The following NLGN1 variants were observed in gnomAD, a reference collection of about 807,000 sequenced individuals.
NLGN1 encodes neuroligin-1.
Under a neutral mutation model 65.5 loss-of-function variants are expected in NLGN1, and 12 were observed. The observed-to-expected ratio is 0.18, with a 90% CI of 0.12 to 0.30. The LOEUF is 0.30. Ranked by LOEUF, NLGN1 falls within the 10% of genes least tolerant of loss-of-function variation. The pLI is 1.00. For synonymous variants in NLGN1, 350 were observed against 359.5 expected (o/e 0.97, Z 0.30); for missense variants, 750 against 1,007.1 (o/e 0.74, Z 3.46).
At chr3:173,734,743 A>AT (rs1015057329) in intron 3 of NLGN1, among the ~76,000 whole-genome samples, 3 of 151,578 alleles carry the variant, frequency 2.0e-5, no homozygotes, top group African/African-American at 7.3e-5. Context: ...AATAAATCAC[A>AT]TTTTTCCCCT....
chr3:174,163,926 T>G (rs918932223), intron 4 of NLGN1, among the ~76,000 whole-genome samples: 8 of 152,050 alleles, frequency 5.3e-5, no homozygotes, highest in African/African-American at 1.4e-4. Context: ...GTAGAATGAT[T>G]TGGGCTTTTA....
chr3:174,013,416 A>T (rs1384536521), intron 4 of NLGN1, among the ~76,000 whole-genome samples: 3 of 152,244 alleles, frequency 2.0e-5, no homozygotes, highest in African/African-American at 7.2e-5. Context: ...GAACAAAGTA[A>T]AACATAAAAT....
intron 4 of NLGN1, among the ~76,000 whole-genome samples, chr3:174,005,749 G>T (rs1171466313): frequency 1.3e-5 from 2 of 151,562 alleles, no homozygotes; most frequent in Admixed American, 6.6e-5. Context: ...TAAAAGAAGA[G>T]CACTTAATAT....
intron 4 of NLGN1, among the ~76,000 whole-genome samples, chr3:174,075,686 T>C (rs1740759793): frequency 6.6e-6 from 1 of 152,000 alleles, no homozygotes; most frequent in African/African-American, 2.4e-5. Flanking sequence ...TAAGGAAAAA[T>C]AAAATTTTAT....
At chr3:173,961,161 G>A (rs1483074125) in intron 4 of NLGN1, among the ~76,000 whole-genome samples, 1 of 151,992 alleles carries the variant, frequency 6.6e-6, no homozygotes, top group East Asian at 1.9e-4. Context: ...GAAACATGAA[G>A]TATAGAATAT....
chr3:173,722,607 A>G (rs1300003040), intron 3 of NLGN1, among the ~76,000 whole-genome samples: 3 of 152,130 alleles, frequency 2.0e-5, no homozygotes, highest in African/African-American at 7.2e-5. Flanking sequence ...ATGAGAAACA[A>G]TAAGGGAAGG....
At chr3:173,633,883 T>C (rs1185113807) in intron 3 of NLGN1, among the ~76,000 whole-genome samples, 1 of 152,172 alleles carries the variant, frequency 6.6e-6, no homozygotes, top group East Asian at 1.9e-4. Context: ...CTGATCCCCA[T>C]AGCTTGTTAA....
At chr3:174,036,674 T>G (rs546337348) in intron 4 of NLGN1, among the ~76,000 whole-genome samples, 1 of 150,536 alleles carries the variant, frequency 6.6e-6, no homozygotes, top group East Asian at 2.0e-4. Flanking sequence ...GTCGTGGGAG[T>G]TCATTGTACA....
intron 4 of NLGN1, among the ~76,000 whole-genome samples, chr3:173,897,347 G>A (rs891644326): frequency 1.4e-4 from 22 of 152,300 alleles, no homozygotes; most frequent in East Asian, 1.2e-3. Context: ...AATTAAGATA[G>A]TAAAATTTGG....
At chr3:174,277,108 TCAGGGAAATCTGTCTATC>T (rs1309145479) in intron 5 of NLGN1, among the ~76,000 whole-genome samples, 1 of 151,874 alleles carries the variant, frequency 6.6e-6, no homozygotes, top group Non-Finnish European at 1.5e-5. Flanking sequence ...ATTATACACT[TCAGGGAAATCTGTCTATC>T]CCTGGAAAAA....
intron 4 of NLGN1, among the ~76,000 whole-genome samples, chr3:174,000,680 G>A (rs1415750221): frequency 1.3e-5 from 2 of 152,182 alleles, no homozygotes; most frequent in African/African-American, 2.4e-5. Context: ...GTCACACAAT[G>A]AGGGCAAGAA....
chr3:173,725,905 G>A (rs143112492), intron 3 of NLGN1, among the ~76,000 whole-genome samples: 15 of 152,146 alleles, frequency 9.9e-5, no homozygotes, highest in East Asian at 1.9e-4. Context: ...AGATGCTGCC[G>A]CTGTTCCTTG....
At chr3:173,739,405 G>A (rs1448043305) in intron 3 of NLGN1, among the ~76,000 whole-genome samples, 1 of 152,088 alleles carries the variant, frequency 6.6e-6, no homozygotes, top group African/African-American at 2.4e-5. Flanking sequence ...GGCTACCAAT[G>A]AAAGGTCCAG....
chr3:173,980,849 T>C (rs886127425), intron 4 of NLGN1, among the ~76,000 whole-genome samples: 2 of 152,178 alleles, frequency 1.3e-5, no homozygotes, highest in African/African-American at 4.8e-5. Context: ...ATTTATATTT[T>C]GAGGAATATT....
At chr3:173,843,167 G>A (rs914415696) in intron 4 of NLGN1, among the ~76,000 whole-genome samples, 10 of 152,184 alleles carry the variant, frequency 6.6e-5, no homozygotes, top group Non-Finnish European at 1.2e-4. Context: ...CAGCTTGAGT[G>A]GTTGGCACAC....
intron 4 of NLGN1, among the ~76,000 whole-genome samples, chr3:174,011,243 A>G (rs184644689): frequency 3.0e-4 from 46 of 152,302 alleles, no homozygotes; most frequent in Middle Eastern, 6.8e-3. Flanking sequence ...CCACACAATT[A>G]CTGCCCTGAC....
intron 4 of NLGN1, among the ~76,000 whole-genome samples, chr3:173,853,979 A>C (rs901154896): frequency 6.6e-5 from 10 of 151,976 alleles, no homozygotes; most frequent in African/African-American, 2.4e-4. Context: ...ATTTTTGTTC[A>C]TTATATGTAA....
intron 4 of NLGN1, among the ~76,000 whole-genome samples, chr3:173,979,818 T>C (rs1398195156): frequency 1.3e-5 from 2 of 152,130 alleles, no homozygotes; most frequent in African/African-American, 4.8e-5. Context: ...ATGAGTAGAT[T>C]GTGAGCCCCT....
At chr3:174,050,319 G>C (rs978774005) in intron 4 of NLGN1, among the ~76,000 whole-genome samples, 1 of 151,994 alleles carries the variant, frequency 6.6e-6, no homozygotes, top group Non-Finnish European at 1.5e-5. Flanking sequence ...GATCACTTTA[G>C]GATCATGTTT....
Sources: allele counts gnomAD v4.1 joint callset (sites outside exome capture counted in the v4.1 genomes callset), GRCh38; gene constraint gnomAD v4.1.1; transcripts MANE v1.5; gene names NCBI Gene and HGNC (gene_info 2026-07-23, HGNC 2026-07-21).